The following GRID2 variants were observed in gnomAD, a reference collection of about 807,000 sequenced individuals.
GRID2 encodes glutamate ionotropic receptor delta type subunit 2, also known as glutamate receptor ionotropic, delta-2.
GRID2 carries 33 observed loss-of-function variants against 114.8 expected under a neutral mutation model. That is an observed-to-expected ratio of 0.29 (90% CI 0.22 to 0.38). GRID2 has a LOEUF of 0.38. Among genes scored for constraint, GRID2 ranks in the 10% least tolerant of loss-of-function variants. The pLI is 1.00. For synonymous variants in GRID2, 505 were observed against 449.9 expected, an observed-to-expected ratio of 1.12 and a Z score of -1.55; for missense variants, 1,184 against 1,257.7, an observed-to-expected ratio of 0.94 and a Z score of 0.89.
chr4:93,021,945 A>T (rs1723405265), intron 2 of GRID2, among the ~76,000 whole-genome samples: 1 of 150,948 alleles, frequency 6.6e-6, no homozygotes. Context: ...TATTTACATA[A>T]ACTTCATATT....
chr4:93,189,833 A>T (rs796354155), intron 4 of GRID2, among the ~76,000 whole-genome samples: 36 of 151,924 alleles, frequency 2.4e-4, no homozygotes, highest in African/African-American at 8.7e-4. Flanking sequence ...TCTTTAAAAA[A>T]AAAACAAACT....
intron 2 of GRID2, among the ~76,000 whole-genome samples, chr4:92,869,803 T>C (rs1160682206): frequency 6.6e-6 from 1 of 152,192 alleles, no homozygotes; most frequent in African/African-American, 2.4e-5. Context: ...TGGTTGTGTC[T>C]TTCTCATCAT....
At chr4:93,791,731 C>G (rs1047778978) in intron 1 of GRID2, among the ~76,000 whole-genome samples, 1 of 152,114 alleles carries the variant, frequency 6.6e-6, no homozygotes, top group Non-Finnish European at 1.5e-5. Flanking sequence ...AAAGAAAACA[C>G]GGGCCTCCTC....
At chr4:93,432,494 A>G (rs1769508401) in intron 10 of GRID2, among the ~76,000 whole-genome samples, 1 of 152,196 alleles carries the variant, frequency 6.6e-6, no homozygotes, top group Non-Finnish European at 1.5e-5. Context: ...GAAAGACATA[A>G]CCAGAGACTG....
At chr4:92,868,028 C>A (rs947880514) in intron 2 of GRID2, among the ~76,000 whole-genome samples, 1 of 100,634 alleles carries the variant, frequency 9.9e-6, no homozygotes, top group Non-Finnish European at 2.1e-5. Context: ...TTCTTTCTTT[C>A]TTTCTTTCTT....
chr4:93,252,685 C>G (rs571486572), intron 8 of GRID2, among the ~76,000 whole-genome samples: 14 of 152,208 alleles, frequency 9.2e-5, no homozygotes, highest in African/African-American at 3.1e-4. Flanking sequence ...GACATTCATT[C>G]TTTCTATCCA....
intron 13 of GRID2, among the ~76,000 whole-genome samples, chr4:93,565,941 C>G (rs1232566264): frequency 6.6e-6 from 1 of 152,126 alleles, no homozygotes; most frequent in African/African-American, 2.4e-5. Context: ...AGTATGAAAA[C>G]TTTGGTGGCT....
intron 2 of GRID2, among the ~76,000 whole-genome samples, chr4:92,713,396 G>C (rs1015698264): frequency 4.0e-5 from 6 of 148,610 alleles, no homozygotes; most frequent in South Asian, 2.1e-4. Context: ...TTCTCTCTCT[G>C]AGTGGGTTAT....
In GRID2 at chr4:92,549,151, C is replaced by A. The variant is rs962461133; in HGVS notation, c.89-40980C>A. 1.3e-3 allele frequency among the ~76,000 whole-genome samples: 189 copies of A among 149,468 alleles called. 1 individual carries two copies. Among genetic ancestry groups the A allele is most frequent in the African/African-American group, 4.6e-3 (186 of 40,750 alleles). ...AAAAAAAAAAAAAATGAACACTTACCAAGTAATCTCAAATAGATGAGCTTT... is the reference window on the plus strand; with the variant it reads ...AAAAAAAAAAAAAATGAACACTTACAAAGTAATCTCAAATAGATGAGCTTT... On this transcript the variant is annotated intron_variant, in intron 1 of 15. Transcript: ENST00000282020.
At chr4:92,661,449 G>A (rs75226913) in intron 2 of GRID2, among the ~76,000 whole-genome samples, 3,631 of 150,998 alleles carry the variant, frequency 0.024, 52 homozygotes, top group Non-Finnish European at 0.036. Context: ...AAGTTTTAGT[G>A]TGGAATGATT....
intron 1 of GRID2, among the ~76,000 whole-genome samples, chr4:92,584,028 G>A (rs1221329605): frequency 1.3e-5 from 2 of 151,564 alleles, no homozygotes; most frequent in South Asian, 2.1e-4. Flanking sequence ...TGGTGTCAAA[G>A]ATACTATCTA....
intron 3 of GRID2, among the ~76,000 whole-genome samples, chr4:93,109,098 A>G (rs1732532189): frequency 6.6e-6 from 1 of 152,184 alleles, no homozygotes; most frequent in South Asian, 2.1e-4. Flanking sequence ...AGTCCATCAA[A>G]TTTAACCCTT....
intron 4 of GRID2, among the ~76,000 whole-genome samples, chr4:93,187,350 C>T (rs996956982): frequency 6.7e-6 from 1 of 149,544 alleles, no homozygotes; most frequent in Non-Finnish European, 1.5e-5. Flanking sequence ...GATCTCGGCT[C>T]TTAGCAACCT....
intron 2 of GRID2, among the ~76,000 whole-genome samples, chr4:92,713,476 C>CATAT (rs10593127): frequency 0.027 from 1,471 of 53,744 alleles, 42 homozygotes; most frequent in Non-Finnish European, 0.03. Context: ...TATACATATA[C>CATAT]ATATATATAT....
At chr4:92,485,643 T>C (rs1324442680) in intron 1 of GRID2, among the ~76,000 whole-genome samples, 2 of 151,452 alleles carry the variant, frequency 1.3e-5, no homozygotes, top group African/African-American at 4.9e-5. Flanking sequence ...TGAGCTGAGA[T>C]TGCACCACTG....
chr4:92,804,001 C>T (rs1402523962), intron 2 of GRID2, among the ~76,000 whole-genome samples: 1 of 151,716 alleles, frequency 6.6e-6, no homozygotes, highest in African/African-American at 2.4e-5. Context: ...TCAGTCTGGG[C>T]TTCACAGAGG....
At chr4:92,982,322 A>G (rs1356799598) in intron 2 of GRID2, among the ~76,000 whole-genome samples, 1 of 152,100 alleles carries the variant, frequency 6.6e-6, no homozygotes, top group East Asian at 1.9e-4. Context: ...ATGTAGTTAT[A>G]TGAATATTAC....
chr4:93,553,814 C>T (rs528286847), intron 13 of GRID2, among the ~76,000 whole-genome samples: 53 of 152,232 alleles, frequency 3.5e-4, no homozygotes, highest in Middle Eastern at 3.4e-3. Flanking sequence ...AGGAAGACTA[C>T]TAATTTTTAC....
intron 9 of GRID2, among the ~76,000 whole-genome samples, chr4:93,402,401 G>A (rs1765983209): frequency 6.6e-6 from 1 of 152,090 alleles, no homozygotes; most frequent in Admixed American, 6.6e-5. Flanking sequence ...TGTGAAAGCA[G>A]GTAGCAAAAT....
Sources: allele counts gnomAD v4.1 joint callset (sites outside exome capture counted in the v4.1 genomes callset), GRCh38; gene constraint gnomAD v4.1.1; transcripts MANE v1.5; gene names NCBI Gene and HGNC (gene_info 2026-07-23, HGNC 2026-07-21).